MANBA: variants seen among roughly 807,000 people sequenced by gnomAD.
MANBA encodes beta-mannosidase.
Under a neutral mutation model 111.1 loss-of-function variants are expected in MANBA, and 83 were observed. The ratio of observed to expected loss-of-function variants is 0.75; its 90% CI spans 0.63 to 0.90. The LOEUF is 0.90. Ranked by LOEUF, MANBA falls within the 40% of genes least tolerant of loss-of-function variation. The pLI is 0.00. For missense variants in MANBA, 1,036 were observed against 1,069.0 expected, an observed-to-expected ratio of 0.97 and a Z score of 0.43; for synonymous variants, 370 against 378.7, an observed-to-expected ratio of 0.98 and a Z score of 0.27.
chr4:102,708,823 C>T (rs1234500331), intron 5 of MANBA, among the ~76,000 whole-genome samples: 3 of 151,392 alleles, frequency 2.0e-5, no homozygotes, highest in Non-Finnish European at 2.9e-5. Flanking sequence ...ACCTAATACA[C>T]GTTTACAAAA....
intron 1 of MANBA, 105 bp downstream of exon 1, chr4:102,760,613 G>T: frequency 1.6e-6 from 2 of 1,250,440 alleles, no homozygotes; most frequent in Non-Finnish European, 2.2e-6. Context: ...CTACCAAACC[G>T]ACGAGAATGG....
At chr4:102,659,395 G>A (rs10446709) in intron 11 of MANBA, among the ~76,000 whole-genome samples, 21 of 152,024 alleles carry the variant, frequency 1.4e-4, no homozygotes, top group Non-Finnish European at 1.6e-4. Flanking sequence ...TCACTTTTTC[G>A]TGGTATATCC....
At chr4:102,694,800 T>C (rs184948182) in intron 5 of MANBA, among the ~76,000 whole-genome samples, 2 of 152,220 alleles carry the variant, frequency 1.3e-5, no homozygotes, top group East Asian at 3.9e-4. Flanking sequence ...AAGGCAATGC[T>C]GGCCTGCCCT....
At chr4:102,669,248 G>A (rs1332936720) in intron 9 of MANBA, among the ~76,000 whole-genome samples, 199 bp from the exon 10 acceptor site, 1 of 152,104 alleles carries the variant, frequency 6.6e-6, no homozygotes, top group African/African-American at 2.4e-5. Flanking sequence ...TCCCAGAACT[G>A]CACAAAATCT....
intron 4 of MANBA, chr4:102,722,595 T>C (rs1245979088): frequency 2.5e-6 from 1 of 406,842 alleles, no homozygotes; most frequent in Non-Finnish European, 4.6e-6. Context: ...AAAAATAATT[T>C]GTAAAGTTCC....
intron 1 of MANBA, among the ~76,000 whole-genome samples, chr4:102,757,851 A>T (rs539983393): frequency 6.6e-6 from 1 of 152,314 alleles, no homozygotes; most frequent in South Asian, 2.1e-4. Context: ...CCTATGGCTC[A>T]CAGCCTTTCA....
At chr4:102,692,051 G>A (rs1021887571) in intron 5 of MANBA, among the ~76,000 whole-genome samples, 2 of 152,158 alleles carry the variant, frequency 1.3e-5, no homozygotes, top group African/African-American at 4.8e-5. Context: ...CAGGTAAGGA[G>A]TCTGGCAATT....
At chr4:102,719,133 G>A (rs1214619829) in intron 4 of MANBA, among the ~76,000 whole-genome samples, 1 of 152,136 alleles carries the variant, frequency 6.6e-6, no homozygotes, top group East Asian at 1.9e-4. Flanking sequence ...AGACCAGGGT[G>A]TATTTCAGTC....
At chr4:102,730,869 G>A (rs961016843) in intron 1 of MANBA, 11 of 341,064 alleles carry the variant, frequency 3.2e-5, no homozygotes, top group South Asian at 1.7e-4. Flanking sequence ...CAGCCTACCC[G>A]CTTCCCGTCA....
intron 16 of MANBA, among the ~76,000 whole-genome samples, chr4:102,633,973 C>T (rs1231149054): frequency 1.3e-5 from 2 of 151,742 alleles, no homozygotes; most frequent in African/African-American, 4.8e-5. Flanking sequence ...GTAGAAAATC[C>T]CTTTCTATGA....
chr4:102,685,767 G>C (rs1056867221), intron 7 of MANBA, among the ~76,000 whole-genome samples: 1 of 151,960 alleles, frequency 6.6e-6, no homozygotes. Context: ...ATAATACAAA[G>C]AATCCAGAGA....
intron 12 of MANBA, among the ~76,000 whole-genome samples, chr4:102,657,260 A>C (rs1730607851): frequency 6.8e-6 from 1 of 146,124 alleles, no homozygotes; most frequent in Admixed American, 6.9e-5. Flanking sequence ...ATAGGAGGAG[A>C]AAGAGGAGAG....
chr4:102,634,203 T>C, intron 16 of MANBA, among the ~76,000 whole-genome samples: 1 of 152,192 alleles, frequency 6.6e-6, no homozygotes, highest in East Asian at 1.9e-4. Context: ...TAACAACACA[T>C]CCTGATCATC....
intron 5 of MANBA, among the ~76,000 whole-genome samples, chr4:102,697,333 T>A (rs919941658): frequency 6.6e-6 from 1 of 151,986 alleles, no homozygotes; most frequent in Non-Finnish European, 1.5e-5. Context: ...TAAGCAAGAC[T>A]GACAAATCTT....
chr4:102,661,665 A>T (rs951979158), intron 11 of MANBA, among the ~76,000 whole-genome samples: 1 of 152,256 alleles, frequency 6.6e-6, no homozygotes, highest in Non-Finnish European at 1.5e-5. Flanking sequence ...GTAAAATTAC[A>T]AACAAGTCTC....
At chr4:102,675,094 T>A (rs897502438) in intron 7 of MANBA, among the ~76,000 whole-genome samples, 10 of 152,240 alleles carry the variant, frequency 6.6e-5, no homozygotes, top group Non-Finnish European at 1.5e-4. Flanking sequence ...ATGTCAAGAA[T>A]GCACAGTGAT....
intron 5 of MANBA, among the ~76,000 whole-genome samples, chr4:102,705,141 G>A (rs1482790414): frequency 2.0e-5 from 3 of 152,178 alleles, no homozygotes; most frequent in African/African-American, 7.2e-5. Context: ...GGGACCAGCT[G>A]AAAGCCTGGA....
intron 4 of MANBA, among the ~76,000 whole-genome samples, chr4:102,714,762 T>A (rs1484676436): frequency 2.0e-5 from 3 of 152,146 alleles, no homozygotes; most frequent in Non-Finnish European, 4.4e-5. Context: ...TATCAGCAGG[T>A]TTGGTTCCTC....
At position 102,755,950 on chromosome 4, in the gene MANBA, T is replaced by C. The variant is rs1332761280; in HGVS notation, c.177+4768A>G. 5.3e-5 allele frequency among the ~76,000 whole-genome samples: 8 copies of C among 152,076 alleles called. 1 individual carries two copies. The highest frequency in any genetic ancestry group is 6.3e-3 in the Middle Eastern group (2 of 316). Reference sequence around the variant, plus strand: ...TACCATCTCACACCAGTTAGAATGGTGATCATTAAAAAGTCAGTAAACAAC... The same window carrying C: ...TACCATCTCACACCAGTTAGAATGGCGATCATTAAAAAGTCAGTAAACAAC... On this transcript the variant is annotated intron_variant, in intron 1 of 16. Transcript: ENST00000647097.
Sources: gnomAD v4.1 joint callset for allele counts (sites outside exome capture counted in the v4.1 genomes callset) on GRCh38, gnomAD v4.1.1 for gene constraint, MANE v1.5 for transcripts, NCBI Gene and HGNC (gene_info 2026-07-23, HGNC 2026-07-21) for gene names.